RAB15: variants seen among roughly 807,000 people sequenced by gnomAD.
RAB15 encodes RAB15, member RAS oncogene family, also known as ras-related protein Rab-15.
In RAB15, 13 loss-of-function variants were observed where a neutral mutation model predicts 31.8. That is an observed-to-expected ratio of 0.41 (90% confidence interval 0.27 to 0.65). RAB15 has a LOEUF of 0.65. Among genes scored for constraint, RAB15 ranks in the 30% least tolerant of loss-of-function variants. The probability of loss-of-function intolerance (pLI) is 0.32; values close to 1 mark genes in which losing one functional copy is unlikely to be tolerated. For missense variants in RAB15, 220 were observed against 277.3 expected (o/e 0.79, Z 1.47); for synonymous variants, 100 against 105.6 (o/e 0.95, Z 0.33).
At chr14:64,949,736 A>AG (rs1240607097) in intron 5 of RAB15, among the ~76,000 whole-genome samples, 4 of 146,012 alleles carry the variant, frequency 2.7e-5, no homozygotes, top group Middle Eastern at 3.6e-3. Context: ...AAAAAAAAAA[A>AG]AAAGAAAGAA....
rs757929489 is a variant in RAB15 at position 64,948,373 on chromosome 14, G to C, written c.620C>G (p.Ser207Trp). 1 of 1,588,822 alleles carries C rather than the reference G, an allele frequency of 6.3e-7. No homozygotes were observed. Among genetic ancestry groups the C allele is most frequent in the Admixed American group, 1.8e-5 (1 of 57,064 alleles). Reference protein sequence around the residue: ...EGKPEGPANSSKTCWC With the variant: ...EGKPEGPANSWKTCWC ...CAGGACTCAGCACCAGCAGGTTTTC[G>C]AAGAGTTCGCTGGGCCCTCGGGTTT... Residue 207 changes from serine to tryptophan, a missense_variant, in exon 7 of 7, where the codon TCG (serine) becomes TGG (tryptophan). Physicochemically the swap from Ser to Trp is radical, Grantham distance 177. Transcript: ENST00000533601. The surrounding 1 kb of genome is among the most constrained non-coding windows in gnomAD (Gnocchi z 7.0).
At position 64,952,812 on chromosome 14, in the gene RAB15, G is replaced by A. The variant is rs189614499; in HGVS notation, c.125-241C>T. On this transcript the variant is annotated intron_variant, in intron 1 of 6. Transcript: ENST00000533601. The surrounding 1 kb of genome is among the most constrained non-coding windows in gnomAD (Gnocchi z 4.2). ...AAGTAAAGGCCCTGGGGGACCCAGA[G>A]GAGGGAGAGTGAATCTGGGGAAATC... Among the ~76,000 whole-genome samples, 1 of 152,336 alleles carries A rather than the reference G, an allele frequency of 6.6e-6. No homozygotes were observed. Among genetic ancestry groups the A allele is most frequent in the East Asian group, 1.9e-4 (1 of 5,186 alleles).
Position 64,950,261 on chromosome 14 carries a change from T to G in RAB15, c.414+64A>C. ...GGAACACACCCCTAGGTCCCCACGCTCAGGACTGGCCCTGGAGGCCCAGCA... is the reference window on the plus strand; with the variant it reads ...GGAACACACCCCTAGGTCCCCACGCGCAGGACTGGCCCTGGAGGCCCAGCA... On this transcript the variant is annotated intron_variant, in intron 5 of 6. Transcript: ENST00000533601. This position sits in a 1 kb window ranked among gnomAD's most constrained non-coding sequence, Gnocchi z 5.6. The G allele has an allele frequency of 1.5e-6, 2 of 1,368,438 alleles. No homozygotes were observed. The highest frequency in any genetic ancestry group is 1.2e-5 in the South Asian group (1 of 86,196). The allele number at this position is 1,368,438 out of a possible 1,614,324, so 84.8% of individuals were successfully genotyped here.
Position 64,970,882 on chromosome 14 carries a change from ATG to A in RAB15, c.124+1069_124+1070del, listed in dbSNP as rs994958213. ...GCTCCTACTTCTCTCTCAGCAAGGAATGTGTGTTGGGGGGAGGGGGGATGGTG... is the reference window on the plus strand; with the variant it reads ...GCTCCTACTTCTCTCTCAGCAAGGAATGTGTTGGGGGGAGGGGGGATGGTG... On this transcript the variant is annotated intron_variant, in intron 1 of 6. Transcript: ENST00000533601. This position sits in a 1 kb window ranked among gnomAD's most constrained non-coding sequence, Gnocchi z 4.1. Among the ~76,000 whole-genome samples the A allele has an allele frequency of 1.3e-5, 2 of 151,518 alleles. No individual in the cohort carries two copies. Among genetic ancestry groups the A allele is most frequent in the African/African-American group, 4.8e-5 (2 of 41,340 alleles).
At chr14:64,963,712 A>C (rs1392091455) in intron 1 of RAB15, among the ~76,000 whole-genome samples, 1 of 152,224 alleles carries the variant, frequency 6.6e-6, no homozygotes, top group East Asian at 1.9e-4. Flanking sequence ...CTTGAACTTC[A>C]GCTGGTGTGA....
At position 64,951,681 on chromosome 14, in the gene RAB15, T is replaced by G. The variant is rs375263502; in HGVS notation, c.186-18A>C. 2.2e-5 allele frequency: 36 copies of G among 1,611,162 alleles called. No homozygotes were observed. The highest frequency in any genetic ancestry group is 2.6e-5 in the Non-Finnish European group (31 of 1,177,458). The stretch of plus-strand genomic sequence containing the variant: ...CAGTGTCCCTGCAGGAGAAAGCCAG[T>G]CCCTCAGAGGAGCAGGGACCATGGG... On this transcript the variant is annotated intron_variant, in intron 2 of 6. Transcript: ENST00000533601. This position sits in a 1 kb window ranked among gnomAD's most constrained non-coding sequence, Gnocchi z 7.2.
rs905970287 is a variant in RAB15 at position 64,946,416 on chromosome 14, G to C, written c.*1938C>G. On this transcript the variant is annotated 3_prime_UTR_variant, in exon 7 of 7. Coordinates refer to ENST00000533601, the MANE Select transcript of RAB15 (RefSeq NM_001308154.2). ...CCTAGCCCCAGTGTGATGTGGCATA[G>C]GTCTTGATACCCAAGGAGTCCCATC... is the stretch of plus-strand genomic sequence containing the variant. The C allele has an allele frequency of 1.2e-4, 18 of 152,202 alleles. No homozygotes were observed. The highest frequency in any genetic ancestry group is 4.3e-4 in the African/African-American group (18 of 41,440). The allele number at this position is 152,202 out of a possible 1,614,324, so 9.4% of individuals were successfully genotyped here. A position where few individuals can be genotyped will look rare whatever the true frequency, so the allele number is the denominator to read the frequency against.
rs1255509421 is a variant in RAB15 at position 64,951,642 on chromosome 14, T to A, written c.207A>T (p.Arg69Ser). Residue 69 changes from arginine (R) to serine (S), a missense_variant, in exon 3 of 7, where the codon AGA (arginine) becomes AGT (serine). Physicochemically the swap from Arg to Ser is moderately radical, Grantham distance 110. Coordinates refer to ENST00000533601, the MANE Select transcript of RAB15 (RefSeq NM_001308154.2). This position sits in a 1 kb window ranked among gnomAD's most constrained non-coding sequence, Gnocchi z 7.2. ...IQIWDTAGQE[R>S]YQTITKQYYR... is the part of the protein sequence containing the mutation. ...AGTACTGCTTTGTGATGGTCTGGTA[T>A]CTCTCCTGCCCTGCAGTGTCCCTGC... 6.2e-7 allele frequency: 1 copy of A among 1,614,208 alleles called. No homozygotes were observed.
intron 1 of RAB15, among the ~76,000 whole-genome samples, chr14:64,966,899 G>A (rs946143949): frequency 1.3e-5 from 2 of 152,118 alleles, no homozygotes; most frequent in East Asian, 1.9e-4. Flanking sequence ...CTCTCACAAC[G>A]TCACACTGCA....
In RAB15 at chr14:64,948,765, C is replaced by T. The variant is rs748240104; in HGVS notation, c.415-32G>A. The T allele has an allele frequency of 3.1e-6, 5 of 1,604,558 alleles. No individual in the cohort carries two copies. The highest frequency in any genetic ancestry group is 3.4e-6 in the Non-Finnish European group (4 of 1,172,038). ...GAGAAGGACATTTCTGAAAGAGAGT[C>T]AGTAAGGCAGGGGAGGGGCCCATAC... On this transcript the variant is annotated intron_variant, in intron 5 of 6. Coordinates refer to ENST00000533601, the MANE Select transcript of RAB15 (RefSeq NM_001308154.2). This position sits in a 1 kb window ranked among gnomAD's most constrained non-coding sequence, Gnocchi z 7.0.
intron 5 of RAB15, among the ~76,000 whole-genome samples, chr14:64,949,191 G>A (rs1230621114): frequency 6.6e-6 from 1 of 152,206 alleles, no homozygotes; most frequent in Non-Finnish European, 1.5e-5. Context: ...GTTGTGGGAT[G>A]ATTCAGTGGG....
At position 64,953,810 on chromosome 14, in the gene RAB15, A is replaced by G. The variant is rs1031471730; in HGVS notation, c.125-1239T>C. ...TACGTCTTTGTGTACTCCCTGGAGC[A>G]AGGTCAGGAGTGGGCATGATCAGCC... On this transcript the variant is annotated intron_variant, in intron 1 of 6. Coordinates refer to ENST00000533601, the MANE Select transcript of RAB15 (RefSeq NM_001308154.2). This position sits in a 1 kb window ranked among gnomAD's most constrained non-coding sequence, Gnocchi z 4.6. 1.0e-6 allele frequency: 1 copy of G among 985,408 alleles called. No homozygotes were observed. Among genetic ancestry groups the G allele is most frequent in the Non-Finnish European group, 1.2e-6 (1 of 829,908 alleles). 61.0% of individuals were successfully genotyped at this position (985,408 alleles called of 1,614,324 possible).
chr14:64,950,675 C>T lies in RAB15; in HGVS notation c.325-261G>A, dbSNP rs1291965123. ...CCACTGGTATCAGAGCTGGAAAGGACATTGGATGTAAGTCCAGCCCTCATT... is the reference window on the plus strand; with the variant it reads ...CCACTGGTATCAGAGCTGGAAAGGATATTGGATGTAAGTCCAGCCCTCATT... On this transcript the variant is annotated intron_variant, in intron 4 of 6. Transcript: ENST00000533601. This position sits in a 1 kb window ranked among gnomAD's most constrained non-coding sequence, Gnocchi z 5.6. The T allele has an allele frequency of 1.7e-6, 1 of 598,008 alleles. No homozygotes were observed. Among genetic ancestry groups the T allele is most frequent in the Non-Finnish European group, 3.0e-6 (1 of 336,270 alleles). 37.0% of individuals were successfully genotyped at this position (598,008 alleles called of 1,614,324 possible).
Position 64,951,670 on chromosome 14 carries a change from G to A in RAB15, c.186-7C>T, listed in dbSNP as rs781495059. 1.7e-5 allele frequency: 27 copies of A among 1,613,646 alleles called. No individual in the cohort carries two copies. The highest frequency in any genetic ancestry group is 1.6e-4 in the Middle Eastern group (1 of 6,062). On this transcript the variant is annotated splice_region_variant and splice_polypyrimidine_tract_variant and intron_variant, in intron 2 of 6. Coordinates refer to ENST00000533601, the MANE Select transcript of RAB15 (RefSeq NM_001308154.2). This position sits in a 1 kb window ranked among gnomAD's most constrained non-coding sequence, Gnocchi z 7.2. ...CTCCTGCCCTGCAGTGTCCCTGCAGGAGAAAGCCAGTCCCTCAGAGGAGCA... is the reference window on the plus strand; with the variant it reads ...CTCCTGCCCTGCAGTGTCCCTGCAGAAGAAAGCCAGTCCCTCAGAGGAGCA...
rs1885966997 is a variant in RAB15 at position 64,947,157 on chromosome 14, G to C, written c.*1197C>G. 1 of 152,526 alleles carries C rather than the reference G, an allele frequency of 6.6e-6. No homozygotes were observed. Among genetic ancestry groups the C allele is most frequent in the South Asian group, 2.1e-4 (1 of 4,834 alleles). 9.4% of individuals were successfully genotyped at this position (152,526 alleles called of 1,614,324 possible). ...CCCAGGAGAACCTTGGTTGCTGAAG[G>C]CTAGGCTCAGTCCTCCGCCTGGGAG... On this transcript the variant is annotated 3_prime_UTR_variant, in exon 7 of 7. Coordinates refer to ENST00000533601, the MANE Select transcript of RAB15 (RefSeq NM_001308154.2). This position sits in a 1 kb window ranked among gnomAD's most constrained non-coding sequence, Gnocchi z 5.6.
intron 1 of RAB15, among the ~76,000 whole-genome samples, chr14:64,959,264 C>T (rs1358837007): frequency 6.6e-6 from 1 of 152,148 alleles, no homozygotes; most frequent in Non-Finnish European, 1.5e-5. Flanking sequence ...AGCACATGCC[C>T]CTTTTCTTAG....
chr14:64,956,230 C>A (rs1395869412), intron 1 of RAB15, among the ~76,000 whole-genome samples: 1 of 151,834 alleles, frequency 6.6e-6, no homozygotes, highest in African/African-American at 2.4e-5. Flanking sequence ...TGGTGAAACC[C>A]CCGTCTCTAC....
Position 64,948,646 on chromosome 14 carries a change from G to A in RAB15, c.480+22C>T, listed in dbSNP as rs768904177. On this transcript the variant is annotated intron_variant, in intron 6 of 6. Transcript: ENST00000533601. This position sits in a 1 kb window ranked among gnomAD's most constrained non-coding sequence, Gnocchi z 7.0. ...CTGGACTCAGCCCGAGAGAGCGGGC[G>A]CCTGGTCACCAGGGCTCTCACCTCT... The A allele has an allele frequency of 3.1e-6, 5 of 1,613,712 alleles. No individual in the cohort carries two copies. The highest frequency in any genetic ancestry group is 2.2e-5 in the South Asian group (2 of 91,070).
At chr14:64,963,551 A>T (rs954932724) in intron 1 of RAB15, among the ~76,000 whole-genome samples, 1 of 152,190 alleles carries the variant, frequency 6.6e-6, no homozygotes, top group Non-Finnish European at 1.5e-5. Flanking sequence ...CCTCCTTCTC[A>T]GGCAGGGCTG....
Sources: gnomAD v4.1 joint callset for allele counts (sites outside exome capture counted in the v4.1 genomes callset) on GRCh38, gnomAD v4.1.1 for gene constraint, Gnocchi (gnomAD v3.1) non-coding constraint, MANE v1.5 for transcripts, NCBI Gene and HGNC (gene_info 2026-07-23, HGNC 2026-07-21) for gene names.